ADAD1: variants seen among roughly 807,000 people sequenced by gnomAD.
The protein encoded by ADAD1 is adenosine deaminase domain-containing protein 1.
Under a neutral mutation model 66.8 loss-of-function variants are expected in ADAD1, and 46 were observed. That is an observed-to-expected ratio of 0.69 (90% CI 0.54 to 0.88). The LOEUF is 0.88. Ranked by LOEUF, ADAD1 falls within the 40% of genes least tolerant of loss-of-function variation. The pLI is 0.00. For missense variants in ADAD1, 617 were observed against 681.8 expected (o/e 0.91, Z 1.06); for synonymous variants, 248 against 229.4 (o/e 1.08, Z -0.73).
intron 7 of ADAD1, among the ~76,000 whole-genome samples, chr4:122,406,010 G>A (rs1580777527): frequency 6.6e-6 from 1 of 151,984 alleles, no homozygotes; most frequent in Non-Finnish European, 1.5e-5. Context: ...TCTGTATCTT[G>A]GCTATTGTGA....
At chr4:122,399,394 A>T (rs1795866073) in intron 7 of ADAD1, among the ~76,000 whole-genome samples, 1 of 151,966 alleles carries the variant, frequency 6.6e-6, no homozygotes, top group Non-Finnish European at 1.5e-5. Flanking sequence ...ATAGCCTTGT[A>T]GTGTATAGTT....
chr4:122,421,421 G>T, intron 12 of ADAD1, 31 bp downstream of exon 12: 1 of 1,469,432 alleles, frequency 6.8e-7, no homozygotes. Context: ...AGTTATCATA[G>T]GAATAAAATT....
chr4:122,389,077 A>G (rs1468514978), intron 5 of ADAD1, among the ~76,000 whole-genome samples: 1 of 152,004 alleles, frequency 6.6e-6, no homozygotes, highest in Non-Finnish European at 1.5e-5. Flanking sequence ...CTTTGTTCTT[A>G]TTGGTTTCAA....
In ADAD1 at chr4:122,380,383, ACT is replaced by A. The variant is rs555061009; in HGVS notation, c.172+144_172+145del. ...GCCGTGTACCTGGAGCTGGCATCTG[ACT>A]CAACATTTGGAGGAGGCCTGTAGAG... is the stretch of plus-strand genomic sequence containing the variant. On this transcript the variant is annotated intron_variant, in intron 3 of 12. Coordinates refer to ENST00000296513, the MANE Select transcript of ADAD1 (RefSeq NM_139243.4). The A allele has an allele frequency of 7.7e-5, 77 of 999,236 alleles. No individual in the cohort carries two copies. The African/African-American group carries it at 1.2e-3, about 15-fold the overall frequency. 61.9% of individuals were successfully genotyped at this position (999,236 alleles called of 1,614,324 possible). A position where few individuals can be genotyped will look rare whatever the true frequency, so the allele number is the denominator to read the frequency against.
intron 12 of ADAD1, 69 bp downstream of exon 12, chr4:122,421,459 T>C (rs1796999144): frequency 1.5e-6 from 2 of 1,334,992 alleles, no homozygotes; most frequent in Admixed American, 2.6e-5. Context: ...CATTTTAAAA[T>C]GGTTATCCTT....
At chr4:122,388,855 G>A (rs1363290905) in intron 5 of ADAD1, among the ~76,000 whole-genome samples, 1 of 151,866 alleles carries the variant, frequency 6.6e-6, no homozygotes, top group East Asian at 1.9e-4. Context: ...GGTTTTTCAT[G>A]TCTCTGTCTC....
Position 122,396,109 on chromosome 4 carries a change from TCA to T in ADAD1, c.599-142_599-141del, listed in dbSNP as rs1358206341. 9.7e-6 allele frequency: 6 copies of T among 619,182 alleles called. No individual in the cohort carries two copies. In the Admixed American group the frequency reaches 2.7e-4, roughly 28 times the overall value. The allele number at this position is 619,182 out of a possible 1,614,324, so 38.4% of individuals were successfully genotyped here. A position where few individuals can be genotyped will look rare whatever the true frequency, so the allele number is the denominator to read the frequency against. Reference sequence around the variant, plus strand: ...TTTTAGAATTGAAAACTTTGAAATCTCAGTCATGACCTAAATTATAAATTTGC... The same window carrying T: ...TTTTAGAATTGAAAACTTTGAAATCTGTCATGACCTAAATTATAAATTTGC... On this transcript the variant is annotated intron_variant, in intron 6 of 12. Transcript: ENST00000296513.
chr4:122,399,256 C>G (rs1189043619), intron 7 of ADAD1, among the ~76,000 whole-genome samples: 1 of 152,070 alleles, frequency 6.6e-6, no homozygotes, highest in Non-Finnish European at 1.5e-5. Flanking sequence ...TATTTGTTTG[C>G]TGTGTCAAAG....
chr4:122,380,021 C>T, intron 2 of ADAD1, 41 bp from the exon 3 acceptor site: 3 of 1,553,658 alleles, frequency 1.9e-6, no homozygotes, highest in South Asian at 1.3e-5. Context: ...GTTTACATAG[C>T]GTTTTGTCTT....
At chr4:122,405,826 G>A (rs1242075539) in intron 7 of ADAD1, among the ~76,000 whole-genome samples, 1 of 152,114 alleles carries the variant, frequency 6.6e-6, no homozygotes, top group Non-Finnish European at 1.5e-5. Context: ...GTGAGATTAT[G>A]CAGTGTTTGT....
At chr4:122,390,911 A>T (rs1311178059) in intron 5 of ADAD1, among the ~76,000 whole-genome samples, 1 of 152,142 alleles carries the variant, frequency 6.6e-6, no homozygotes, top group Non-Finnish European at 1.5e-5. Flanking sequence ...ATGGAGAGAC[A>T]TCGTGATCAT....
intron 5 of ADAD1, among the ~76,000 whole-genome samples, chr4:122,388,890 T>C (rs1795310119): frequency 6.6e-6 from 1 of 152,168 alleles, no homozygotes; most frequent in Non-Finnish European, 1.5e-5. Flanking sequence ...TGATCTTAGT[T>C]ATTTCTTGTC....
chr4:122,429,369 G>A (rs1481486238), intron 12 of ADAD1, among the ~76,000 whole-genome samples: 1 of 151,386 alleles, frequency 6.6e-6, no homozygotes, highest in Non-Finnish European at 1.5e-5. Context: ...CAGGAATTCA[G>A]TGATCATGCC....
At chr4:122,384,468 T>C (rs1448902408) in intron 5 of ADAD1, among the ~76,000 whole-genome samples, 1 of 152,224 alleles carries the variant, frequency 6.6e-6, no homozygotes, top group Non-Finnish European at 1.5e-5. Context: ...CCTCTAAACC[T>C]GTTTTATTTG....
rs535374142 is a variant in ADAD1 at position 122,403,055 on chromosome 4, A to G, written c.725-4853A>G. 8.5e-5 allele frequency among the ~76,000 whole-genome samples: 13 copies of G among 152,254 alleles called. No individual in the cohort carries two copies. In the East Asian group the frequency reaches 2.5e-3, roughly 29 times the overall value. On this transcript the variant is annotated intron_variant, in intron 7 of 12. Transcript: ENST00000296513. ...GCTAGTGTGAACTTTTGGGGGTGTTACAGAATCTTGTTTTGTCATATTACC... is the reference window on the plus strand; with the variant it reads ...GCTAGTGTGAACTTTTGGGGGTGTTGCAGAATCTTGTTTTGTCATATTACC...
At position 122,412,776 on chromosome 4, in the gene ADAD1, A is replaced by G. The variant is rs1796525384; in HGVS notation, c.1216A>G (p.Ile406Val). 6.2e-6 allele frequency: 10 copies of G among 1,613,894 alleles called. No individual in the cohort carries two copies. Among genetic ancestry groups the G allele is most frequent in the Non-Finnish European group, 8.5e-6 (10 of 1,179,786 alleles). Residue 406 changes from isoleucine (I) to valine (V), a missense_variant, in exon 10 of 13, where the codon ATA becomes GTA. By Grantham distance (29) the Ile-to-Val change is conservative. Transcript: ENST00000296513. ...ACAGGGAGCATTGCTGAGTCATTTT[A>G]TACAGCCAGTTTACATCAGCAGTAT... is the stretch of plus-strand genomic sequence containing the variant. The part of the protein sequence containing the change: ...GVQGALLSHF[I>V]QPVYISSILI...
At chr4:122,408,763 G>C (rs1796337684) in intron 8 of ADAD1, among the ~76,000 whole-genome samples, 1 of 151,942 alleles carries the variant, frequency 6.6e-6, no homozygotes, top group Non-Finnish European at 1.5e-5. Context: ...CACAACTGTA[G>C]TCCCATCTAC....
rs193183124 is a variant in ADAD1 at position 122,388,666 on chromosome 4, G to T, written c.529+4700G>T. Among the ~76,000 whole-genome samples, 11 of 152,264 alleles carry T rather than the reference G, an allele frequency of 7.2e-5. No individual in the cohort carries two copies. The East Asian group carries it at 1.9e-3, about 27-fold the overall frequency. Reference sequence around the variant, plus strand: ...CTAGTTTATTTGTGTAGAGGTGTTTGTAGCATTCTCTGATGATAGTTTATA... The same window carrying T: ...CTAGTTTATTTGTGTAGAGGTGTTTTTAGCATTCTCTGATGATAGTTTATA... On this transcript the variant is annotated intron_variant, in intron 5 of 12. Coordinates refer to ENST00000296513, the MANE Select transcript of ADAD1 (RefSeq NM_139243.4).
chr4:122,390,719 C>G (rs1243064301), intron 5 of ADAD1, among the ~76,000 whole-genome samples: 3 of 152,074 alleles, frequency 2.0e-5, no homozygotes, highest in Non-Finnish European at 4.4e-5. Flanking sequence ...GTTTATGTTC[C>G]TCTCTACACT....
Sources: allele counts gnomAD v4.1 joint callset (sites outside exome capture counted in the v4.1 genomes callset), GRCh38; gene constraint gnomAD v4.1.1; transcripts MANE v1.5; gene names NCBI Gene and HGNC (gene_info 2026-07-23, HGNC 2026-07-21).